KDF1: variants seen among roughly 807,000 people sequenced by gnomAD.
KDF1 encodes the protein RP11-344H11.3.
Under a neutral mutation model 31.6 loss-of-function variants are expected in KDF1, and 11 were observed. That is an observed-to-expected ratio of 0.35 (90% CI 0.22 to 0.58). The LOEUF is 0.58. Among genes scored for constraint, KDF1 ranks in the 20% least tolerant of loss-of-function variants. KDF1 has a pLI of 0.83. For synonymous variants in KDF1, 205 were observed against 214.4 expected (o/e 0.96, Z 0.38); for missense variants, 476 against 549.1 (o/e 0.87, Z 1.33).
chr1:26,953,813 G>C (rs2124160413), intron 1 of KDF1, among the ~76,000 whole-genome samples: 1 of 152,168 alleles, frequency 6.6e-6, no homozygotes, highest in Admixed American at 6.5e-5. Context: ...AAATTAGCTG[G>C]GCGTGGTGGT....
At position 26,950,039 on chromosome 1, in the gene KDF1, A is replaced by G. The variant is rs1399287453; in HGVS notation, c.*30T>C. On this transcript the variant is annotated 3_prime_UTR_variant, in exon 4 of 4. Coordinates refer to ENST00000320567, the MANE Select transcript of KDF1 (RefSeq NM_152365.3). This position sits in a 1 kb window ranked among gnomAD's most constrained non-coding sequence, Gnocchi z 4.0. ...ATTCTGTAGGCCATGCTTCTCCCAG[A>G]AAGGGTGTGGCAGCTGGGCCTGGCA... 6.3e-7 allele frequency: 1 copy of G among 1,592,336 alleles called. No individual in the cohort carries two copies. The highest frequency in any genetic ancestry group is 8.6e-7 in the Non-Finnish European group (1 of 1,160,688).
chr1:26,950,629 G>GC lies in KDF1; in HGVS notation c.1114+52dup. The GC allele has an allele frequency of 6.6e-7, 1 of 1,522,098 alleles. No homozygotes were observed. Among genetic ancestry groups the GC allele is most frequent in the Non-Finnish European group, 9.1e-7 (1 of 1,101,608 alleles). 94.3% of individuals were successfully genotyped at this position (1,522,098 alleles called of 1,614,324 possible). Reference sequence around the variant, plus strand: ...AAGCTGGGAGAGCAGCAGGTGAGGGGCCCCTAGGGTAGTCCCCCACCCTCC... The same window carrying GC: ...AAGCTGGGAGAGCAGCAGGTGAGGGGCCCCCTAGGGTAGTCCCCCACCCTCC... On this transcript the variant is annotated intron_variant, in intron 3 of 3. Transcript: ENST00000320567. This position sits in a 1 kb window ranked among gnomAD's most constrained non-coding sequence, Gnocchi z 4.0.
At chr1:26,959,966 C>T (rs1323856503) in intron 1 of KDF1, among the ~76,000 whole-genome samples, 1 of 152,208 alleles carries the variant, frequency 6.6e-6, no homozygotes. Flanking sequence ...CCTACACCAA[C>T]TCTGCCCTCG....
rs1193475933 is a variant in KDF1 at position 26,952,953 on chromosome 1, C to T, written c.-32-541G>A. Among the ~76,000 whole-genome samples, 1 of 150,878 alleles carries T rather than the reference C, an allele frequency of 6.6e-6. No individual in the cohort carries two copies. Among genetic ancestry groups the T allele is most frequent in the Non-Finnish European group, 1.5e-5 (1 of 67,850 alleles). On this transcript the variant is annotated intron_variant, in intron 1 of 3. Coordinates refer to ENST00000320567, the MANE Select transcript of KDF1 (RefSeq NM_152365.3). This position sits in a 1 kb window ranked among gnomAD's most constrained non-coding sequence, Gnocchi z 4.1. The stretch of plus-strand genomic sequence containing the variant: ...GAGCCAAGATCACGCCATTGCACTC[C>T]AGCCTGGGCAACAGGGCGAGACTGT...
intron 1 of KDF1, among the ~76,000 whole-genome samples, chr1:26,959,928 T>C (rs949608816): frequency 4.6e-5 from 7 of 152,148 alleles, no homozygotes; most frequent in South Asian, 2.1e-4. Context: ...AACCAGATCC[T>C]GGCACTGTCC....
intron 1 of KDF1, among the ~76,000 whole-genome samples, chr1:26,956,240 G>A (rs1033509524): frequency 6.6e-6 from 1 of 152,138 alleles, no homozygotes; most frequent in South Asian, 2.1e-4. Flanking sequence ...TTTAGTTCCA[G>A]TTCTGGCCCT....
At chr1:26,955,149 C>A (rs1371733493) in intron 1 of KDF1, among the ~76,000 whole-genome samples, 1 of 152,124 alleles carries the variant, frequency 6.6e-6, no homozygotes, top group Non-Finnish European at 1.5e-5. Flanking sequence ...TGAGCCACTG[C>A]ACCCAGCCTA....
Position 26,950,001 on chromosome 1 carries a change from G to T in KDF1, c.*68C>A. The T allele has an allele frequency of 6.6e-7, 1 of 1,505,318 alleles. No homozygotes were observed. The highest frequency in any genetic ancestry group is 9.2e-7 in the Non-Finnish European group (1 of 1,085,776). 93.2% of individuals were successfully genotyped at this position (1,505,318 alleles called of 1,614,324 possible). ...CTAAGCCTCTCCCACAGGGGTTCCTGGTCCCCCTCTTCATTCTGTAGGCCA... is the reference window on the plus strand; with the variant it reads ...CTAAGCCTCTCCCACAGGGGTTCCTTGTCCCCCTCTTCATTCTGTAGGCCA... On this transcript the variant is annotated 3_prime_UTR_variant, in exon 4 of 4. Transcript: ENST00000320567. This position sits in a 1 kb window ranked among gnomAD's most constrained non-coding sequence, Gnocchi z 4.0.
chr1:26,958,875 A>G (rs1374473244), intron 1 of KDF1, among the ~76,000 whole-genome samples: 1 of 152,174 alleles, frequency 6.6e-6, no homozygotes, highest in East Asian at 1.9e-4. Context: ...GCTCCTGAGG[A>G]TGGACTGGCT....
rs2082340949 is a variant in KDF1, at chr1:26,950,204, C to T, written c.1115-53G>A. ...ACAGGCTCAGGGGAAGGAGCTCATC[C>T]AGATCCCATGACCAGGGAGAAGCCT... On this transcript the variant is annotated intron_variant, in intron 3 of 3. Transcript: ENST00000320567. The surrounding 1 kb of genome is among the most constrained non-coding windows in gnomAD (Gnocchi z 4.0). 2 of 1,506,998 alleles carry T rather than the reference C, an allele frequency of 1.3e-6. No individual in the cohort carries two copies. Among genetic ancestry groups the T allele is most frequent in the African/African-American group, 2.8e-5 (2 of 72,720 alleles). 93.4% of individuals were successfully genotyped at this position (1,506,998 alleles called of 1,614,324 possible).
chr1:26,949,637 A>G lies in KDF1; in HGVS notation c.*432T>C, dbSNP rs2082337714. 5.7e-6 allele frequency: 1 copy of G among 176,722 alleles called. No individual in the cohort carries two copies. 10.9% of individuals were successfully genotyped at this position (176,722 alleles called of 1,614,324 possible). ...CAAGAACCAGAACCAACTCCTTAAC[A>G]TAACATAGAGTGGGCCCTGCCCACC... On this transcript the variant is annotated 3_prime_UTR_variant, in exon 4 of 4. Coordinates refer to ENST00000320567, the MANE Select transcript of KDF1 (RefSeq NM_152365.3).
At chr1:26,958,971 T>C (rs1008074226) in intron 1 of KDF1, among the ~76,000 whole-genome samples, 5 of 152,270 alleles carry the variant, frequency 3.3e-5, no homozygotes, top group African/African-American at 9.6e-5. Flanking sequence ...TTGTGCTAAA[T>C]GCTGAGAAAA....
Position 26,950,084 on chromosome 1 carries a change from G to C in KDF1, c.1182C>G (p.Leu394=), listed in dbSNP as rs1293196889. The change falls in exon 4 of 4, where the codon CTC becomes CTG. Residue 394 remains leucine, a synonymous_variant. Transcript: ENST00000320567. This position sits in a 1 kb window ranked among gnomAD's most constrained non-coding sequence, Gnocchi z 4.0. ...TDTDSSGAPL[L]QVYC is the part of the protein sequence containing the mutation. ...CTGGCAGGGGTTAGCAGTACACCTG[G>C]AGCAAGGGTGCCCCCGACGAGTCTG... is the stretch of plus-strand genomic sequence containing the variant. The C allele has an allele frequency of 3.1e-6, 5 of 1,613,892 alleles. No homozygotes were observed. Among genetic ancestry groups the C allele is most frequent in the Non-Finnish European group, 4.2e-6 (5 of 1,179,838 alleles).
chr1:26,953,909 CGT>C lies in KDF1; in HGVS notation c.-32-1499_-32-1498del, dbSNP rs536691983. On this transcript the variant is annotated intron_variant, in intron 1 of 3. Coordinates refer to ENST00000320567, the MANE Select transcript of KDF1 (RefSeq NM_152365.3). ...GGTGGAGGTTGCAGTGAGCTGAGAT[CGT>C]GCCATTGCACTCCAGCCTGGGCAAC... Among the ~76,000 whole-genome samples, 549 of 149,682 alleles carry C rather than the reference CGT, an allele frequency of 3.7e-3. 1 individual carries two copies. Among genetic ancestry groups the C allele is most frequent in the Non-Finnish European group, 6.5e-3 (443 of 67,736 alleles).
At chr1:26,957,078 C>T (rs140636387) in intron 1 of KDF1, among the ~76,000 whole-genome samples, 27 of 152,254 alleles carry the variant, frequency 1.8e-4, no homozygotes, top group African/African-American at 6.0e-4. Context: ...AGGTGCATAC[C>T]ACCCTGCCCC....
At position 26,949,813 on chromosome 1, in the gene KDF1, T is replaced by C. The variant is rs1384856044; in HGVS notation, c.*256A>G. 1 of 444,138 alleles carries C rather than the reference T, an allele frequency of 2.3e-6. No individual in the cohort carries two copies. Among genetic ancestry groups the C allele is most frequent in the African/African-American group, 2.0e-5 (1 of 49,948 alleles). The allele number at this position is 444,138 out of a possible 1,614,324, so 27.5% of individuals were successfully genotyped here. A position where few individuals can be genotyped will look rare whatever the true frequency, so the allele number is the denominator to read the frequency against. On this transcript the variant is annotated 3_prime_UTR_variant, in exon 4 of 4. Transcript: ENST00000320567. ...ATGCCTAACTCCTTACTTTCCATGA[T>C]CAGGCCACCTGAAGACCATGAGCAG...
At chr1:26,957,549 C>T (rs555242555) in intron 1 of KDF1, among the ~76,000 whole-genome samples, 1 of 152,166 alleles carries the variant, frequency 6.6e-6, no homozygotes, top group South Asian at 2.1e-4. Context: ...GTAGAACCAG[C>T]GCCACTGGGT....
intron 1 of KDF1, among the ~76,000 whole-genome samples, chr1:26,954,154 T>C (rs1188760576): frequency 6.6e-6 from 1 of 151,786 alleles, no homozygotes; most frequent in Non-Finnish European, 1.5e-5. Context: ...GTGGCAATAG[T>C]TGTACAACAA....
intron 1 of KDF1, among the ~76,000 whole-genome samples, chr1:26,955,147 T>C (rs927642730): frequency 1.3e-5 from 2 of 152,096 alleles, no homozygotes; most frequent in Admixed American, 1.3e-4. Flanking sequence ...CATGAGCCAC[T>C]GCACCCAGCC....
Sources: allele counts gnomAD v4.1 joint callset (sites outside exome capture counted in the v4.1 genomes callset), GRCh38; gene constraint gnomAD v4.1.1; non-coding constraint Gnocchi (gnomAD v3.1); transcripts MANE v1.5; gene names NCBI Gene and HGNC (gene_info 2026-07-23, HGNC 2026-07-21).